TBC1D2: variants seen among roughly 807,000 people sequenced by gnomAD.
TBC1D2 encodes TBC1 domain family member 2A.
Under a neutral mutation model 91.1 loss-of-function variants are expected in TBC1D2, and 58 were observed. The observed-to-expected ratio is 0.64, with a 90% CI of 0.52 to 0.79. The LOEUF is 0.79. TBC1D2 is among the 30% of genes least tolerant of loss of function. The pLI is 0.00. For missense variants in TBC1D2, 1,080 were observed against 1,208.3 expected, an observed-to-expected ratio of 0.89 and a Z score of 1.57; for synonymous variants, 482 against 511.5, an observed-to-expected ratio of 0.94 and a Z score of 0.78.
Position 98,210,679 on chromosome 9 carries a change from G to A in TBC1D2, c.1650C>T (p.Asp550=), listed in dbSNP as rs1169298993. ...ACCTGATGGGGCTCAGCTCGATGCTGTCAGATGAGGCCTCCCCAGCTTCCC... is the reference window on the plus strand; with the variant it reads ...ACCTGATGGGGCTCAGCTCGATGCTATCAGATGAGGCCTCCCCAGCTTCCC... ...LQWEAGEASS[D]SIELSPISKY... Residue 550 remains aspartate (D), a synonymous_variant, in exon 8 of 13, where the codon GAC becomes GAT. Coordinates refer to ENST00000465784, the MANE Select transcript of TBC1D2 (RefSeq NM_001267571.2). 1 of 1,602,962 alleles carries A rather than the reference G, an allele frequency of 6.2e-7. No homozygotes were observed. Among genetic ancestry groups the A allele is most frequent in the Admixed American group, 1.7e-5 (1 of 59,310 alleles).
At chr9:98,220,166 A>G (rs546033782) in intron 6 of TBC1D2, among the ~76,000 whole-genome samples, 1 of 152,260 alleles carries the variant, frequency 6.6e-6, no homozygotes, top group South Asian at 2.1e-4. Flanking sequence ...CGCAGACATG[A>G]GCTCCAGCCC....
At chr9:98,245,907 G>C (rs1428296435) in intron 2 of TBC1D2, among the ~76,000 whole-genome samples, 3 of 152,212 alleles carry the variant, frequency 2.0e-5, no homozygotes, top group Non-Finnish European at 4.4e-5. Flanking sequence ...ATAAAAGGCA[G>C]GCAGGAGGTC....
At chr9:98,213,293 T>C in intron 6 of TBC1D2, 75 bp from the exon 7 acceptor site, 2 of 1,585,106 alleles carry the variant, frequency 1.3e-6, no homozygotes, top group South Asian at 2.3e-5. Flanking sequence ...CACCCTCAAA[T>C]GAGCCCCCAA....
intron 9 of TBC1D2, among the ~76,000 whole-genome samples, chr9:98,207,931 G>A (rs1420133685): frequency 6.6e-6 from 1 of 152,210 alleles, no homozygotes; most frequent in Non-Finnish European, 1.5e-5. Context: ...CTGGTCCTCA[G>A]CTGTGTTTTC....
At chr9:98,218,057 C>T (rs1264535468) in intron 6 of TBC1D2, among the ~76,000 whole-genome samples, 5 of 151,974 alleles carry the variant, frequency 3.3e-5, no homozygotes, top group African/African-American at 9.7e-5. Flanking sequence ...TGCTATGTTT[C>T]CCCGGCTTGT....
At position 98,199,440 on chromosome 9, in the gene TBC1D2, G is replaced by A. The variant is rs202075219; in HGVS notation, c.2728C>T (p.Arg910Trp). The A allele has an allele frequency of 4.2e-5, 68 of 1,614,042 alleles. No individual in the cohort carries two copies. The East Asian group carries it at 1.3e-3, about 31-fold the overall frequency. ...CAGCCCTCGGACACAGCTCTGCGCC[G>A]GGATGCCCGCCTCTCCAGGTACTCT... ...KAEYLERRAS[R>W]RRAVSEGCAS... The change falls in exon 13 of 13, where the codon CGG becomes TGG. Residue 910 changes from arginine (R) to tryptophan (W), a missense_variant. Coordinates refer to ENST00000465784, the MANE Select transcript of TBC1D2 (RefSeq NM_001267571.2).
rs747141556 is a variant in TBC1D2, at chr9:98,255,543, G to A, written c.-2C>T. On this transcript the variant is annotated 5_prime_UTR_variant, in exon 1 of 13. Coordinates refer to ENST00000465784, the MANE Select transcript of TBC1D2 (RefSeq NM_001267571.2). ...GGCGTTCTCCCCAGCGCCCTCCATC[G>A]CTGCCAGCCGGAGACTGCGGAGGGA... 3 of 1,506,180 alleles carry A rather than the reference G, an allele frequency of 2.0e-6. No individual in the cohort carries two copies. The highest frequency in any genetic ancestry group is 2.7e-5 in the South Asian group (2 of 74,568). The allele number at this position is 1,506,180 out of a possible 1,614,324, so 93.3% of individuals were successfully genotyped here.
chr9:98,219,252 C>T (rs956272901), intron 6 of TBC1D2, among the ~76,000 whole-genome samples: 1 of 152,204 alleles, frequency 6.6e-6, no homozygotes, highest in Non-Finnish European at 1.5e-5. Flanking sequence ...TAAAGTCACA[C>T]AGCCAGAAAG....
chr9:98,244,659 CAAAAAAAAAA>C (rs59871511), intron 2 of TBC1D2, among the ~76,000 whole-genome samples: 1 of 46,890 alleles, frequency 2.1e-5, no homozygotes, highest in Non-Finnish European at 4.0e-5. Context: ...AACTCCGTCT[CAAAAAAAAAA>C]AAAAAAAAAA....
chr9:98,226,007 G>A (rs1466068965), intron 5 of TBC1D2, among the ~76,000 whole-genome samples: 1 of 152,204 alleles, frequency 6.6e-6, no homozygotes, highest in African/African-American at 2.4e-5. Flanking sequence ...GTAGCTCCTG[G>A]GATTCCAGGT....
intron 3 of TBC1D2, among the ~76,000 whole-genome samples, chr9:98,236,059 G>A (rs1051069240): frequency 2.0e-5 from 3 of 151,180 alleles, no homozygotes; most frequent in African/African-American, 4.8e-5. Flanking sequence ...AAAAAATCAG[G>A]GAGTTGTCAT....
chr9:98,213,378 C>G, intron 6 of TBC1D2, 160 bp from the exon 7 acceptor site: 1 of 1,444,354 alleles, frequency 6.9e-7, no homozygotes, highest in Non-Finnish European at 9.1e-7. Context: ...ATACTCATAG[C>G]ACCCTTCTCT....
At chr9:98,212,460 C>G (rs566053361) in intron 7 of TBC1D2, among the ~76,000 whole-genome samples, 1 of 152,158 alleles carries the variant, frequency 6.6e-6, no homozygotes, top group South Asian at 2.1e-4. Flanking sequence ...CCCTGACTTT[C>G]CTTCCTCCCT....
chr9:98,249,539 G>A (rs1331238511), intron 2 of TBC1D2, among the ~76,000 whole-genome samples: 3 of 152,340 alleles, frequency 2.0e-5, no homozygotes, highest in Admixed American at 1.3e-4. Context: ...CTTTGCAGCA[G>A]CATCAACCCA....
At chr9:98,250,478 G>C (rs1829849656) in intron 2 of TBC1D2, among the ~76,000 whole-genome samples, 1 of 152,140 alleles carries the variant, frequency 6.6e-6, no homozygotes, top group African/African-American at 2.4e-5. Flanking sequence ...AGAAAGGCCT[G>C]GGTCTGATGT....
At chr9:98,221,337 C>T in intron 5 of TBC1D2, 109 bp from the exon 6 acceptor site, 1 of 1,327,770 alleles carries the variant, frequency 7.5e-7, no homozygotes, top group Non-Finnish European at 1.0e-6. Context: ...AGGTGCCCAG[C>T]AGCATCCCTG....
rs545265015 is a variant in TBC1D2 at position 98,235,629 on chromosome 9, C to T, written c.648-2080G>A. Reference sequence around the variant, plus strand: ...AATCCTAGAATTATTGTCTGTTTCTCTAAAGCACTTCCCAAAATACGGTCC... The same window carrying T: ...AATCCTAGAATTATTGTCTGTTTCTTTAAAGCACTTCCCAAAATACGGTCC... On this transcript the variant is annotated intron_variant, in intron 3 of 12. Coordinates refer to ENST00000465784, the MANE Select transcript of TBC1D2 (RefSeq NM_001267571.2). 1.6e-4 allele frequency: 60 copies of T among 371,114 alleles called. No homozygotes were observed. In the East Asian group the frequency reaches 4.0e-3, roughly 25 times the overall value. 23.0% of individuals were successfully genotyped at this position (371,114 alleles called of 1,614,324 possible). A position where few individuals can be genotyped will look rare whatever the true frequency, so the allele number is the denominator to read the frequency against.
At chr9:98,219,207 T>C (rs1296512000) in intron 6 of TBC1D2, among the ~76,000 whole-genome samples, 5 of 152,176 alleles carry the variant, frequency 3.3e-5, no homozygotes, top group South Asian at 2.1e-4. Flanking sequence ...AGAGGACTAG[T>C]TGGGCTATTT....
At chr9:98,204,386 C>T (rs1451911493) in intron 9 of TBC1D2, among the ~76,000 whole-genome samples, 3 of 152,182 alleles carry the variant, frequency 2.0e-5, no homozygotes, top group African/African-American at 4.8e-5. Flanking sequence ...AACCCAGGGT[C>T]GCCCAGGGGG....
Sources: allele counts gnomAD v4.1 joint callset (sites outside exome capture counted in the v4.1 genomes callset), GRCh38; gene constraint gnomAD v4.1.1; transcripts MANE v1.5; gene names NCBI Gene and HGNC (gene_info 2026-07-23, HGNC 2026-07-21).